The following INTS1 variants were observed in gnomAD, a reference collection of about 807,000 sequenced individuals.
INTS1 encodes the protein integrator complex subunit 1.
A neutral mutation model predicts 241.6 loss-of-function variants in INTS1; 137 were observed. The observed-to-expected ratio is 0.57, with a 90% confidence interval of 0.49 to 0.65. The LOEUF is 0.65. Ranked by LOEUF, INTS1 falls within the 30% of genes least tolerant of loss-of-function variation. The pLI is 0.00. For synonymous variants in INTS1, 1,692 were observed against 1,337.8 expected, an observed-to-expected ratio of 1.26 and a Z score of -5.78; for missense variants, 3,073 against 3,032.2, an observed-to-expected ratio of 1.01 and a Z score of -0.32.
At position 1,481,582 on chromosome 7, in the gene INTS1, C is replaced by T; in HGVS notation, c.3704-94G>A. The T allele has an allele frequency of 7.4e-7, 1 of 1,357,994 alleles. No homozygotes were observed. Among genetic ancestry groups the T allele is most frequent in the Non-Finnish European group, 9.8e-7 (1 of 1,019,502 alleles). 84.1% of individuals were successfully genotyped at this position (1,357,994 alleles called of 1,614,324 possible). ...ACCTGGGGCTGCCTGTGTGCAGTGA[C>T]CCCACCCACCTGAGACCCTGGGCCA... On this transcript the variant is annotated intron_variant, in intron 27 of 47. Coordinates refer to ENST00000404767, the MANE Select transcript of INTS1 (RefSeq NM_001080453.3). The surrounding 1 kb of genome is among the most constrained non-coding windows in gnomAD (Gnocchi z 6.8).
rs1438529386 is a variant in INTS1 at position 1,493,601 on chromosome 7, G to C, written c.2068+153C>G. On this transcript the variant is annotated intron_variant, in intron 15 of 47. Transcript: ENST00000404767. The surrounding 1 kb of genome is among the most constrained non-coding windows in gnomAD (Gnocchi z 5.3). ...CTTCTGAATTCCCAACGGCAGATGT[G>C]GAGAAGGCAGGTCCCCGAGCCTCCC... Among the ~76,000 whole-genome samples, 2 of 123,978 alleles carry C rather than the reference G, an allele frequency of 1.6e-5. No homozygotes were observed. The highest frequency in any genetic ancestry group is 3.4e-5 in the Non-Finnish European group (2 of 58,540). 81.3% of individuals were successfully genotyped at this position (123,978 alleles called of 152,430 possible).
chr7:1,486,003 G>A (rs1782247214), intron 22 of INTS1, among the ~76,000 whole-genome samples: 1 of 152,086 alleles, frequency 6.6e-6, no homozygotes, highest in Admixed American at 6.5e-5. Context: ...GTATCATTAT[G>A]TTGCCCAGGC....
intron 11 of INTS1, 58 bp from the exon 12 acceptor site, chr7:1,496,322 AC>A: frequency 1.2e-6 from 1 of 820,878 alleles, no homozygotes; most frequent in African/African-American, 1.7e-5. Flanking sequence ...CCCACTCCAC[AC>A]CCACGTGGGC....
chr7:1,498,490 C>A lies in INTS1; in HGVS notation c.1347G>T (p.Glu449Asp). 3 of 1,613,966 alleles carry A rather than the reference C, an allele frequency of 1.9e-6. No homozygotes were observed. The highest frequency in any genetic ancestry group is 1.7e-4 in the Middle Eastern group (1 of 6,056). The change falls in exon 10 of 48, where the codon GAG becomes GAT. Residue 449 changes from glutamate (E) to aspartate (D), a missense_variant. Physicochemically the swap from Glu to Asp is conservative, Grantham distance 45. Coordinates refer to ENST00000404767, the MANE Select transcript of INTS1 (RefSeq NM_001080453.3). Reference sequence around the variant, plus strand: ...TGTTCGGGTTCCGGGCGCTGGAGAGCTCATTGAAGATCACCAACTTGATGG... The same window carrying A: ...TGTTCGGGTTCCGGGCGCTGGAGAGATCATTGAAGATCACCAACTTGATGG... ...GTTIKLVIFN[E>D]LSSARNPNNM... is the part of the protein sequence containing the mutation.
At chr7:1,483,001 G>A in intron 26 of INTS1, 1 of 385,696 alleles carries the variant, frequency 2.6e-6, no homozygotes, top group Non-Finnish European at 4.8e-6. Context: ...GCTTTGCTTG[G>A]CTGGACCAGG....
Position 1,499,457 on chromosome 7 carries a change from T to G in INTS1, c.844+16A>C, listed in dbSNP as rs975418879. 1 of 1,369,582 alleles carries G rather than the reference T, an allele frequency of 7.3e-7. No homozygotes were observed. Among genetic ancestry groups the G allele is most frequent in the African/African-American group, 1.5e-5 (1 of 65,020 alleles). The allele number at this position is 1,369,582 out of a possible 1,614,324, so 84.8% of individuals were successfully genotyped here. A position where few individuals can be genotyped will look rare whatever the true frequency, so the allele number is the denominator to read the frequency against. On this transcript the variant is annotated intron_variant, in intron 6 of 47. Coordinates refer to ENST00000404767, the MANE Select transcript of INTS1 (RefSeq NM_001080453.3). ...GGCTTGGACACCCGCCCTCTCTGGC[T>G]GGCCGTGTGTCTCACCTGCACCCAG... is the stretch of plus-strand genomic sequence containing the variant.
intron 1 of INTS1, 22 bp downstream of exon 1, chr7:1,504,301 G>A (rs1368313518): frequency 1.8e-6 from 1 of 543,726 alleles, no homozygotes; most frequent in Middle Eastern, 3.8e-4. Context: ...ATGAGGAAGC[G>A]CCCAGGCCGC....
rs756205881 is a variant in INTS1 at position 1,470,557 on chromosome 7, G to C, written c.*20C>G. The C allele has an allele frequency of 2.0e-5, 31 of 1,519,028 alleles. No individual in the cohort carries two copies. In the Admixed American group the frequency reaches 5.9e-4, roughly 29 times the overall value. The allele number at this position is 1,519,028 out of a possible 1,614,324, so 94.1% of individuals were successfully genotyped here. ...GGACGGGACGGGCCGGGGCTTGGAGGGGGGTCGGCTGCCACAGGCTCACAT... is the reference window on the plus strand; with the variant it reads ...GGACGGGACGGGCCGGGGCTTGGAGCGGGGTCGGCTGCCACAGGCTCACAT... On this transcript the variant is annotated 3_prime_UTR_variant, in exon 48 of 48. Coordinates refer to ENST00000404767, the MANE Select transcript of INTS1 (RefSeq NM_001080453.3).
intron 40 of INTS1, 110 bp downstream of exon 40, chr7:1,474,595 T>G: frequency 7.2e-7 from 1 of 1,397,672 alleles, no homozygotes; most frequent in Non-Finnish European, 9.6e-7. Context: ...CATGGGAACA[T>G]GCTTTTTTTT....
At position 1,476,026 on chromosome 7, in the gene INTS1, T is replaced by C. The variant is rs1313010028; in HGVS notation, c.5424A>G (p.Leu1808=). Residue 1808 remains leucine (L), a synonymous_variant, in exon 39 of 48, where the codon CTA becomes CTG. Coordinates refer to ENST00000404767, the MANE Select transcript of INTS1 (RefSeq NM_001080453.3). ...RCRDLLLQLY[L]QRPELRVPVP... ...CGGGCACCCGCAGCTCCGGCCGCTG[T>C]AGGTAGAGCTGCAGGAGAAGGTCTC... 6.5e-7 allele frequency: 1 copy of C among 1,545,906 alleles called. No individual in the cohort carries two copies. The highest frequency in any genetic ancestry group is 1.2e-5 in the South Asian group (1 of 84,024).
chr7:1,473,305 G>T, intron 42 of INTS1, 121 bp from the exon 43 acceptor site: 1 of 708,418 alleles, frequency 1.4e-6, no homozygotes, highest in Non-Finnish European at 2.4e-6. Flanking sequence ...AGGCCAGGAC[G>T]CTCAGAGGGA....
rs201926456 is a variant in INTS1 at position 1,484,062 on chromosome 7, A to G, written c.3370T>C (p.Phe1124Leu). 2 of 1,612,550 alleles carry G rather than the reference A, an allele frequency of 1.2e-6. No individual in the cohort carries two copies. The highest frequency in any genetic ancestry group is 1.7e-6 in the Non-Finnish European group (2 of 1,179,724). Residue 1124 changes from phenylalanine (F) to leucine (L), a missense_variant, in exon 25 of 48, where the codon TTC becomes CTC. By Grantham distance (22) the Phe-to-Leu change is conservative (BLOSUM62 0). Coordinates refer to ENST00000404767, the MANE Select transcript of INTS1 (RefSeq NM_001080453.3). ...CGCATGCGCCTCACGTAGCGTGAGA[A>G]GATGGACAACAGAGCGCTCAGCACG... is the stretch of plus-strand genomic sequence containing the variant. ...DAVLSALLSI[F>L]SRYVRRMRQS...
chr7:1,491,997 G>C (rs965637019), intron 16 of INTS1, among the ~76,000 whole-genome samples: 1 of 152,210 alleles, frequency 6.6e-6, no homozygotes, highest in Non-Finnish European at 1.5e-5. Context: ...CATGAGTGCG[G>C]GTGAGGATGG....
At chr7:1,483,337 C>T (rs1284621815) in intron 26 of INTS1, 2 of 336,972 alleles carry the variant, frequency 5.9e-6, no homozygotes, top group African/African-American at 4.2e-5. Context: ...TCCTCAGGGT[C>T]ACTCGCCTGG....
chr7:1,484,798 G>A (rs1161270170), intron 24 of INTS1, among the ~76,000 whole-genome samples: 2 of 152,174 alleles, frequency 1.3e-5, no homozygotes, highest in African/African-American at 4.8e-5. Flanking sequence ...AAGGGACACA[G>A]GTGGCCACGG....
At chr7:1,480,808 T>C in intron 29 of INTS1, 27 bp downstream of exon 29, 2 of 1,520,678 alleles carry the variant, frequency 1.3e-6, no homozygotes, top group Non-Finnish European at 1.8e-6. Flanking sequence ...GCTGGGTCTC[T>C]GTGCTGGCCC....
In INTS1 at chr7:1,498,688, G is replaced by A; in HGVS notation, c.1283+19C>T. 1 of 1,531,748 alleles carries A rather than the reference G, an allele frequency of 6.5e-7. No homozygotes were observed. Among genetic ancestry groups the A allele is most frequent in the African/African-American group, 1.5e-5 (1 of 68,482 alleles). The allele number at this position is 1,531,748 out of a possible 1,614,324, so 94.9% of individuals were successfully genotyped here. A position where few individuals can be genotyped will look rare whatever the true frequency, so the allele number is the denominator to read the frequency against. ...CCCACTCCACCCGCACCCCCGCTCT[G>A]CCCCGGCTCGCCACGCACCTGATGC... On this transcript the variant is annotated intron_variant, in intron 9 of 47. Transcript: ENST00000404767.
At chr7:1,471,821 C>A in intron 44 of INTS1, 180 bp from the exon 45 acceptor site, 1 of 620,206 alleles carries the variant, frequency 1.6e-6, no homozygotes, top group Non-Finnish European at 2.9e-6. Context: ...ATACCCGGCC[C>A]TGCCCCTACT....
rs770441792 is a variant in INTS1 at position 1,476,785 on chromosome 7, G to A, written c.5063+9C>T. ...GCGCAGCCCAGGTTGGGGACAGGGA[G>A]GCGCCCACCTCTGTTCCCGGCTCTT... On this transcript the variant is annotated intron_variant, in intron 36 of 47. Coordinates refer to ENST00000404767, the MANE Select transcript of INTS1 (RefSeq NM_001080453.3). 86 of 1,612,726 alleles carry A rather than the reference G, an allele frequency of 5.3e-5. No homozygotes were observed. The South Asian group carries it at 6.9e-4, about 13-fold the overall frequency.
Sources: allele counts gnomAD v4.1 joint callset (sites outside exome capture counted in the v4.1 genomes callset), GRCh38; gene constraint gnomAD v4.1.1; non-coding constraint Gnocchi (gnomAD v3.1); transcripts MANE v1.5; gene names NCBI Gene and HGNC (gene_info 2026-07-23, HGNC 2026-07-21).